The following WDR3 variants were observed in gnomAD, a reference collection of about 807,000 sequenced individuals.
The protein encoded by WDR3 is WD repeat domain 3.
In WDR3, 81 loss-of-function variants were observed where a neutral mutation model predicts 123.7. That is an observed-to-expected ratio of 0.65 (90% CI 0.55 to 0.79). WDR3 has a LOEUF of 0.79. WDR3 is among the 30% of genes least tolerant of loss of function. The pLI is 0.00. For missense variants in WDR3, 1,027 were observed against 1,123.2 expected, an observed-to-expected ratio of 0.91 and a Z score of 1.22; for synonymous variants, 390 against 388.8, an observed-to-expected ratio of 1.00 and a Z score of -0.04.
chr1:117,951,641 C>T (rs1651615970), intron 16 of WDR3, among the ~76,000 whole-genome samples: 1 of 151,038 alleles, frequency 6.6e-6, no homozygotes, highest in Non-Finnish European at 1.5e-5. Context: ...TCTTCTGTTT[C>T]TTTCTCCCAC....
Position 117,934,747 on chromosome 1 carries a change from G to A in WDR3, c.381+65G>A, listed in dbSNP as rs1650856630. On this transcript the variant is annotated intron_variant, in intron 3 of 26. Transcript: ENST00000349139. ...GAATGTAAGGCTTATGCTGAAGCAAGTTGTTGACAAAAATTGTCAGGTAAA... is the reference window on the plus strand; with the variant it reads ...GAATGTAAGGCTTATGCTGAAGCAAATTGTTGACAAAAATTGTCAGGTAAA... 3.2e-6 allele frequency: 5 copies of A among 1,561,890 alleles called. No homozygotes were observed. The Admixed American group carries it at 8.9e-5, about 28-fold the overall frequency.
chr1:117,941,049 T>TA (rs1651154145), intron 7 of WDR3, 75 bp from the exon 8 acceptor site: 15 of 1,589,398 alleles, frequency 9.4e-6, no homozygotes, highest in Non-Finnish European at 1.3e-5. Context: ...CACTTGCACT[T>TA]ATTAGAATTA....
In WDR3 at chr1:117,965,981, C is replaced by T. The variant is rs550496020; in HGVS notation, c.*6534C>T. ...TTCCCGTCAATCAAGTTTTCACATT[C>T]TATAAGATCCAGCTCAAAAATCAAA... On this transcript the variant is annotated 3_prime_UTR_variant, in exon 27 of 27. Coordinates refer to ENST00000349139, the MANE Select transcript of WDR3 (RefSeq NM_006784.3). 1 of 152,298 alleles carries T rather than the reference C, an allele frequency of 6.6e-6. No individual in the cohort carries two copies. The highest frequency in any genetic ancestry group is 2.4e-5 in the African/African-American group (1 of 41,560). The allele number at this position is 152,298 out of a possible 1,614,324, so 9.4% of individuals were successfully genotyped here.
At chr1:117,947,900 T>G (rs1444562174) in intron 12 of WDR3, among the ~76,000 whole-genome samples, 2 of 152,198 alleles carry the variant, frequency 1.3e-5, no homozygotes, top group African/African-American at 4.8e-5. Flanking sequence ...TTTTTTTAAA[T>G]TCACTGCCTT....
At position 117,963,646 on chromosome 1, in the gene WDR3, G is replaced by A; in HGVS notation, c.*4199G>A. 1 of 619,160 alleles carries A rather than the reference G, an allele frequency of 1.6e-6. No individual in the cohort carries two copies. The highest frequency in any genetic ancestry group is 2.6e-6 in the Non-Finnish European group (1 of 382,044). 38.4% of individuals were successfully genotyped at this position (619,160 alleles called of 1,614,324 possible). A position where few individuals can be genotyped will look rare whatever the true frequency, so the allele number is the denominator to read the frequency against. On this transcript the variant is annotated 3_prime_UTR_variant, in exon 27 of 27. Coordinates refer to ENST00000349139, the MANE Select transcript of WDR3 (RefSeq NM_006784.3). ...CCCAAAGTGCTGGGATTACAGGTGT[G>A]AGCCACCGGGCCCGGCCTAAACAAA...
At chr1:117,933,689 C>T (rs1253296361) in intron 2 of WDR3, 199 bp downstream of exon 2, 4 of 668,116 alleles carry the variant, frequency 6.0e-6, no homozygotes, top group East Asian at 2.9e-5. Context: ...CTGAAAACCA[C>T]AATGAAATAG....
chr1:117,959,119 T>C, intron 26 of WDR3, 116 bp downstream of exon 26: 1 of 1,293,220 alleles, frequency 7.7e-7, no homozygotes, highest in Non-Finnish European at 1.1e-6. Context: ...AATCCATATT[T>C]GAGATAGTTT....
rs1336412593 is a variant in WDR3, at chr1:117,940,158, A to G, written c.675+586A>G. 2.0e-5 allele frequency among the ~76,000 whole-genome samples: 3 copies of G among 152,216 alleles called. No individual in the cohort carries two copies. The East Asian group carries it at 5.8e-4, about 29-fold the overall frequency. On this transcript the variant is annotated intron_variant, in intron 6 of 26. Transcript: ENST00000349139. Reference sequence around the variant, plus strand: ...GCCAATTTGAATTTTTTGTTCTATAATATGGTCAACCTTTCACCTAAATAC... The same window carrying G: ...GCCAATTTGAATTTTTTGTTCTATAGTATGGTCAACCTTTCACCTAAATAC...
rs768589917 is a variant in WDR3, at chr1:117,952,345, C to T, written c.1953C>T (p.Ala651=). The change falls in exon 18 of 27, where the codon GCC becomes GCT. Residue 651 remains alanine (A), a synonymous_variant. Coordinates refer to ENST00000349139, the MANE Select transcript of WDR3 (RefSeq NM_006784.3). ...FVPKSHLFFT[A]GKDHKIKQWD... Reference sequence around the variant, plus strand: ...CCAAGTCTCACCTCTTCTTCACTGCCGGAAAAGATCATAAGATTAAACAGT... The same window carrying T: ...CCAAGTCTCACCTCTTCTTCACTGCTGGAAAAGATCATAAGATTAAACAGT... The T allele has an allele frequency of 4.5e-5, 72 of 1,613,132 alleles. No homozygotes were observed. The highest frequency in any genetic ancestry group is 5.3e-5 in the Non-Finnish European group (62 of 1,179,478).
At chr1:117,945,609 T>C (rs1651353303) in intron 11 of WDR3, among the ~76,000 whole-genome samples, 1 of 152,252 alleles carries the variant, frequency 6.6e-6, no homozygotes, top group African/African-American at 2.4e-5. Flanking sequence ...GAACCTCTGC[T>C]GTTTCATCCA....
intron 12 of WDR3, among the ~76,000 whole-genome samples, chr1:117,947,017 G>GGAT: frequency 6.6e-6 from 1 of 152,066 alleles, no homozygotes; most frequent in East Asian, 1.9e-4. Flanking sequence ...TTATATTATG[G>GGAT]GATGACGACA....
chr1:117,958,029 T>C (rs976834325), intron 25 of WDR3, among the ~76,000 whole-genome samples: 9 of 152,252 alleles, frequency 5.9e-5, no homozygotes, highest in African/African-American at 2.2e-4. Context: ...GGCTTGATAT[T>C]CTTCTCATCT....
Position 117,946,189 on chromosome 1 carries a change from G to C in WDR3, c.1422+10G>C. 6.3e-7 allele frequency: 1 copy of C among 1,591,048 alleles called. No individual in the cohort carries two copies. The highest frequency in any genetic ancestry group is 8.6e-7 in the Non-Finnish European group (1 of 1,167,800). ...AGTCATAGGAACAAAGGTAAATGGA[G>C]ACTTTTTCTGGGATATCTGGATCTT... is the stretch of plus-strand genomic sequence containing the variant. On this transcript the variant is annotated intron_variant, in intron 12 of 26. Coordinates refer to ENST00000349139, the MANE Select transcript of WDR3 (RefSeq NM_006784.3).
chr1:117,966,513 T>C lies in WDR3; in HGVS notation c.*7066T>C. The C allele has an allele frequency of 8.6e-7, 1 of 1,167,960 alleles. No individual in the cohort carries two copies. The highest frequency in any genetic ancestry group is 1.6e-5 in the African/African-American group (1 of 64,458). 72.3% of individuals were successfully genotyped at this position (1,167,960 alleles called of 1,614,324 possible). On this transcript the variant is annotated 3_prime_UTR_variant, in exon 27 of 27. Transcript: ENST00000349139. Reference sequence around the variant, plus strand: ...TTTAACTCTGATTTTGAAGATAGAATTAATAAAGTAGAGATGCATTTTGAC... The same window carrying C: ...TTTAACTCTGATTTTGAAGATAGAACTAATAAAGTAGAGATGCATTTTGAC...
At chr1:117,945,362 T>C (rs1184876683) in intron 11 of WDR3, among the ~76,000 whole-genome samples, 1 of 152,212 alleles carries the variant, frequency 6.6e-6, no homozygotes, top group Non-Finnish European at 1.5e-5. Flanking sequence ...AGAACAAGAA[T>C]GTGCCTTTCT....
At position 117,957,203 on chromosome 1, in the gene WDR3, T is replaced by C. The variant is rs758996148; in HGVS notation, c.2582+7T>C. The C allele has an allele frequency of 6.2e-7, 1 of 1,608,186 alleles. No individual in the cohort carries two copies. Among genetic ancestry groups the C allele is most frequent in the South Asian group, 1.1e-5 (1 of 89,722 alleles). On this transcript the variant is annotated splice_region_variant and intron_variant, in intron 25 of 26. Transcript: ENST00000349139. ...GCCTCTTCTTCCTCCTTAGGTAACATCCTTTTCCAAAGAATACCATGTCTG... is the reference window on the plus strand; with the variant it reads ...GCCTCTTCTTCCTCCTTAGGTAACACCCTTTTCCAAAGAATACCATGTCTG...
chr1:117,933,371 G>A lies in WDR3; in HGVS notation c.52G>A (p.Val18Ile), dbSNP rs751061868. 2.4e-5 allele frequency: 39 copies of A among 1,614,056 alleles called. No homozygotes were observed. In the South Asian group the frequency reaches 4.0e-4, roughly 16 times the overall value. ...CTATGTTGCTAGTGCGGTCTTTGGCGTTATCGGCAGCCAAAAAGGTAATAT... is the reference window on the plus strand; with the variant it reads ...CTATGTTGCTAGTGCGGTCTTTGGCATTATCGGCAGCCAAAAAGGTAATAT... Reference protein sequence around the residue: ...LRYVASAVFGVIGSQKGNIVF... With the variant: ...LRYVASAVFGIIGSQKGNIVF... The change falls in exon 2 of 27, where the codon GTT becomes ATT. Residue 18 changes from valine (V) to isoleucine (I), a missense_variant. Physicochemically the swap from Val to Ile is conservative, Grantham distance 29 (BLOSUM62 3). Coordinates refer to ENST00000349139, the MANE Select transcript of WDR3 (RefSeq NM_006784.3).
intron 3 of WDR3, among the ~76,000 whole-genome samples, chr1:117,936,297 C>T (rs56841661): frequency 0.091 from 13,811 of 151,852 alleles, 1,478 homozygotes; most frequent in African/African-American, 0.26. Context: ...GAGATACATA[C>T]AGAAATTTGT....
At chr1:117,935,680 C>G (rs1260849735) in intron 3 of WDR3, among the ~76,000 whole-genome samples, 2 of 151,728 alleles carry the variant, frequency 1.3e-5, no homozygotes, top group African/African-American at 4.8e-5. Context: ...AAAGACTTAA[C>G]TATTAAAAAA....
Sources: allele counts gnomAD v4.1 joint callset (sites outside exome capture counted in the v4.1 genomes callset), GRCh38; gene constraint gnomAD v4.1.1; transcripts MANE v1.5; gene names NCBI Gene and HGNC (gene_info 2026-07-23, HGNC 2026-07-21).